The following ABHD12 variants were observed in gnomAD, a reference collection of about 807,000 sequenced individuals.
The protein encoded by ABHD12 is lysophosphatidylserine lipase ABHD12.
ABHD12 carries 43 observed loss-of-function variants against 58.3 expected under a neutral mutation model. That is an observed-to-expected ratio of 0.74 (90% confidence interval 0.58 to 0.95). ABHD12 has a LOEUF of 0.95. Among genes scored for constraint, ABHD12 ranks in the 40% least tolerant of loss-of-function variants. ABHD12 has a pLI of 0.00. For synonymous variants in ABHD12, 219 were observed against 211.2 expected (o/e 1.04, Z -0.32); for missense variants, 539 against 537.2 (o/e 1.00, Z -0.03).
chr20:25,386,873 C>T (rs924156925), intron 1 of ABHD12, among the ~76,000 whole-genome samples: 3 of 151,624 alleles, frequency 2.0e-5, no homozygotes, highest in African/African-American at 7.3e-5. Context: ...AGAGTGAAAC[C>T]CCGCCTCAAA....
chr20:25,341,367 T>C (rs2089452009), intron 1 of ABHD12, among the ~76,000 whole-genome samples: 1 of 152,328 alleles, frequency 6.6e-6, no homozygotes, highest in East Asian at 1.9e-4. Context: ...GTTAACTAGA[T>C]GATGGGGAAA....
At chr20:25,357,049 C>T (rs186749794) in intron 1 of ABHD12, among the ~76,000 whole-genome samples, 232 of 152,212 alleles carry the variant, frequency 1.5e-3, no homozygotes, top group Non-Finnish European at 2.2e-3. Context: ...CTAGAAGGCC[C>T]GATATTTCCT....
chr20:25,334,981 T>C (rs1476911313), intron 2 of ABHD12, among the ~76,000 whole-genome samples: 1 of 152,132 alleles, frequency 6.6e-6, no homozygotes, highest in Non-Finnish European at 1.5e-5. Flanking sequence ...AAAGAGCTTC[T>C]GCACAGCAAA....
chr20:25,317,180 A>G, intron 4 of ABHD12, 102 bp from the exon 5 acceptor site: 1 of 768,708 alleles, frequency 1.3e-6, no homozygotes, highest in Non-Finnish European at 2.3e-6. Context: ...CCAATGAAAG[A>G]GGGCAGAACC....
At chr20:25,298,268 TG>T (rs67007809), downstream of ABHD12, among the ~76,000 whole-genome samples, 64,207 of 151,082 alleles carry the variant, frequency 0.42, 14,327 homozygotes, top group East Asian at 0.91. Flanking sequence ...CGGCTAGTTT[TG>T]TTTTTTTGTT....
At chr20:25,316,928 TCACA>T in intron 5 of ABHD12, 116 bp downstream of exon 5, 1 of 922,604 alleles carries the variant, frequency 1.1e-6, no homozygotes, top group East Asian at 2.5e-5. Flanking sequence ...GGACCCTGTC[TCACA>T]CACACAAACA....
chr20:25,321,181 T>A (rs1452223486), intron 3 of ABHD12, among the ~76,000 whole-genome samples: 3 of 152,236 alleles, frequency 2.0e-5, no homozygotes, highest in Admixed American at 2.0e-4. Flanking sequence ...ATCACTCCCA[T>A]ACAGTTATAA....
Position 25,339,468 on chromosome 20 carries a change from G to C in ABHD12, c.192-117C>G, listed in dbSNP as rs1600823374. On this transcript the variant is annotated intron_variant, in intron 1 of 12. Coordinates refer to ENST00000339157, the MANE Select transcript of ABHD12 (RefSeq NM_001042472.3). The stretch of plus-strand genomic sequence containing the variant: ...GCCACACATATTTTTTTTTCCACAA[G>C]GATACTGCCAATAATAAAAGTAGCC... The C allele has an allele frequency of 2.5e-5, 37 of 1,500,044 alleles. No individual in the cohort carries two copies. In the East Asian group the frequency reaches 7.6e-4, roughly 31 times the overall value. The allele number at this position is 1,500,044 out of a possible 1,614,324, so 92.9% of individuals were successfully genotyped here.
At chr20:25,336,028 C>T (rs1276078806) in intron 2 of ABHD12, among the ~76,000 whole-genome samples, 2 of 151,980 alleles carry the variant, frequency 1.3e-5, no homozygotes, top group Admixed American at 6.6e-5. Context: ...AAAAAGCCCT[C>T]CCTAGCCTCT....
Position 25,300,439 on chromosome 20 carries a change from G to C in ABHD12, c.*406C>G. On this transcript the variant is annotated 3_prime_UTR_variant, in exon 13 of 13. Coordinates refer to ENST00000339157, the MANE Select transcript of ABHD12 (RefSeq NM_001042472.3). Reference sequence around the variant, plus strand: ...TGCATGTGCTGGGAAGGTGCAGAAAGAACCTGGACCCCACGTTCTCTGTGG... The same window carrying C: ...TGCATGTGCTGGGAAGGTGCAGAAACAACCTGGACCCCACGTTCTCTGTGG... 1 of 1,181,052 alleles carries C rather than the reference G, an allele frequency of 8.5e-7. No homozygotes were observed. The highest frequency in any genetic ancestry group is 1.8e-5 in the South Asian group (1 of 54,088). The allele number at this position is 1,181,052 out of a possible 1,614,324, so 73.2% of individuals were successfully genotyped here. A position where few individuals can be genotyped will look rare whatever the true frequency, so the allele number is the denominator to read the frequency against.
At chr20:25,373,351 G>A (rs368104586) in intron 1 of ABHD12, among the ~76,000 whole-genome samples, 76 of 152,120 alleles carry the variant, frequency 5.0e-4, no homozygotes, top group African/African-American at 1.6e-3. Flanking sequence ...GTTCAAGACC[G>A]GCCTGGCCAA....
chr20:25,324,672 C>A (rs1054918366), intron 2 of ABHD12, among the ~76,000 whole-genome samples: 1 of 152,132 alleles, frequency 6.6e-6, no homozygotes, highest in African/African-American at 2.4e-5. Flanking sequence ...TCAAATGTCA[C>A]CAGGCTGGAC....
intron 1 of ABHD12, among the ~76,000 whole-genome samples, chr20:25,361,988 CT>C (rs764848667): frequency 9.2e-5 from 14 of 151,432 alleles, no homozygotes; most frequent in Non-Finnish European, 2.1e-4. Context: ...AAAAGAAAAT[CT>C]TACACCCGGG....
downstream of ABHD12, chr20:25,295,489 C>T: frequency 2.4e-6 from 3 of 1,272,416 alleles, no homozygotes; most frequent in Admixed American, 1.7e-5. Flanking sequence ...GGCCCCTTCG[C>T]TCCAGACAGG....
intron 2 of ABHD12, among the ~76,000 whole-genome samples, chr20:25,334,663 T>C (rs940915919): frequency 1.3e-5 from 2 of 151,848 alleles, no homozygotes; most frequent in African/African-American, 4.8e-5. Context: ...TATCTGCAAC[T>C]ATCTGATCTT....
In ABHD12 at chr20:25,309,637, C is replaced by T. The variant is rs2088812374; in HGVS notation, c.620-62G>A. ...GCAGCTCACAAAACCTGGACAAACA[C>T]ACCTCCCCAAGGGGGCCCAGGGCCA... On this transcript the variant is annotated intron_variant, in intron 6 of 12. Coordinates refer to ENST00000339157, the MANE Select transcript of ABHD12 (RefSeq NM_001042472.3). 4 of 1,608,082 alleles carry T rather than the reference C, an allele frequency of 2.5e-6. No homozygotes were observed. The East Asian group carries it at 6.7e-5, about 27-fold the overall frequency.
At chr20:25,326,243 C>A (rs2089175923) in intron 2 of ABHD12, among the ~76,000 whole-genome samples, 1 of 152,034 alleles carries the variant, frequency 6.6e-6, no homozygotes, top group African/African-American at 2.4e-5. Context: ...TCTTCTGCAA[C>A]AGGAAACAAT....
intron 1 of ABHD12, among the ~76,000 whole-genome samples, chr20:25,386,542 G>A (rs1391458480): frequency 6.6e-6 from 1 of 151,678 alleles, no homozygotes; most frequent in East Asian, 2.0e-4. Context: ...TTACAGGCGT[G>A]AGCCACCGAG....
rs151155205 is a variant in ABHD12, at chr20:25,308,203, G to A, written c.788-158C>T. On this transcript the variant is annotated intron_variant, in intron 8 of 12. Coordinates refer to ENST00000339157, the MANE Select transcript of ABHD12 (RefSeq NM_001042472.3). ...GCCTCAGATAGCACCAGGGGTGCCCGCCAGGGGAACAGAGATGGCTCTGGT... is the reference window on the plus strand; with the variant it reads ...GCCTCAGATAGCACCAGGGGTGCCCACCAGGGGAACAGAGATGGCTCTGGT... Among the ~76,000 whole-genome samples the A allele has an allele frequency of 1.4e-4, 22 of 152,338 alleles. No homozygotes were observed. The East Asian group carries it at 4.2e-3, about 29-fold the overall frequency.
Sources: allele counts gnomAD v4.1 joint callset (sites outside exome capture counted in the v4.1 genomes callset), GRCh38; gene constraint gnomAD v4.1.1; transcripts MANE v1.5; gene names NCBI Gene and HGNC (gene_info 2026-07-23, HGNC 2026-07-21).